The following MTCL2 variants were observed in gnomAD, a reference collection of about 807,000 sequenced individuals.
MTCL2 encodes the protein microtubule cross-linking factor 2.
chr20:36,843,453 T>G, the MTCL2 span, among the ~76,000 whole-genome samples: 1 of 104,630 alleles, frequency 9.6e-6, no homozygotes, highest in Non-Finnish European at 1.9e-5. Flanking sequence ...TCCACCCTCA[T>G]AGACTCACCA....
At chr20:36,828,991 T>TG in the MTCL2 span, 17 of 1,459,184 alleles carry the variant, frequency 1.2e-5, no homozygotes, top group South Asian at 2.8e-5. Context: ...GACACTGGCT[T>TG]GGGGGGGCTT....
the MTCL2 span, chr20:36,812,714 T>C: frequency 1.9e-6 from 3 of 1,613,978 alleles, no homozygotes; most frequent in East Asian, 2.2e-5. Flanking sequence ...CTCAGAGGCA[T>C]AGGAATCATT....
At chr20:36,808,537 G>A in the MTCL2 span, 1 of 1,603,600 alleles carries the variant, frequency 6.2e-7, no homozygotes, top group Non-Finnish European at 8.5e-7. Flanking sequence ...CCCCTTCGCT[G>A]GGCAAAACCT....
At chr20:36,804,363 G>A in the MTCL2 span, among the ~76,000 whole-genome samples, 1 of 152,214 alleles carries the variant, frequency 6.6e-6, no homozygotes, top group South Asian at 2.1e-4. Flanking sequence ...CTGGGGAGTT[G>A]GGAGGGGAGG....
chr20:36,839,111 T>C, the MTCL2 span: 1 of 1,010,126 alleles, frequency 9.9e-7, no homozygotes, highest in Non-Finnish European at 1.5e-6. The surrounding 1 kb of genome is among the most constrained non-coding windows in gnomAD (Gnocchi z 5.1). Context: ...AGAGAGGTGG[T>C]AGAACTTGGC....
the MTCL2 span, among the ~76,000 whole-genome samples, chr20:36,820,473 A>T: frequency 3.3e-5 from 5 of 152,212 alleles, no homozygotes; most frequent in Non-Finnish European, 7.3e-5. Flanking sequence ...TAACCCAAAT[A>T]TGTCCACCAA....
At chr20:36,797,933 C>T in the MTCL2 span, among the ~76,000 whole-genome samples, 1 of 152,226 alleles carries the variant, frequency 6.6e-6, no homozygotes, top group African/African-American at 2.4e-5. Context: ...ACTGCTCCAT[C>T]CACAGTGGCC....
chr20:36,842,096 C>A, the MTCL2 span, among the ~76,000 whole-genome samples: 49 of 152,256 alleles, frequency 3.2e-4, 1 homozygote, highest in East Asian at 8.7e-3. Context: ...GCTTCTGCTA[C>A]CGCTGTCATC....
chr20:36,833,551 C>T, the MTCL2 span, among the ~76,000 whole-genome samples: 28 of 152,350 alleles, frequency 1.8e-4, no homozygotes, highest in Non-Finnish European at 2.8e-4. Context: ...GGAGCTCTCA[C>T]GAAAGAGCAG....
the MTCL2 span, among the ~76,000 whole-genome samples, chr20:36,802,656 G>A: frequency 2.0e-5 from 3 of 152,196 alleles, no homozygotes; most frequent in Admixed American, 2.0e-4. Context: ...GGCCTGACAG[G>A]CTGAAGCAGA....
At chr20:36,804,799 T>C in the MTCL2 span, 73 of 1,613,858 alleles carry the variant, frequency 4.5e-5, no homozygotes, top group Non-Finnish European at 5.8e-5. Context: ...CTTGGCAAAC[T>C]GTTGCTGAAG....
chr20:36,841,871 T>TGGGGGGG, the MTCL2 span, among the ~76,000 whole-genome samples: 1 of 105,686 alleles, frequency 9.5e-6, no homozygotes, highest in African/African-American at 3.6e-5. Flanking sequence ...GGGTGGGGGG[T>TGGGGGGG]GGGGTGTGTG....
At chr20:36,806,043 G>A in the MTCL2 span, 1 of 1,131,834 alleles carries the variant, frequency 8.8e-7, no homozygotes, top group Non-Finnish European at 1.3e-6. Context: ...AGGTCGAGGA[G>A]CACGGCTGGA....
chr20:36,837,604 G>A, the MTCL2 span, among the ~76,000 whole-genome samples: 5 of 150,358 alleles, frequency 3.3e-5, no homozygotes, highest in South Asian at 2.1e-4. Context: ...TTGAGACGGA[G>A]TCTCACTCTG....
the MTCL2 span, chr20:36,829,097 A>T: frequency 1.3e-6 from 2 of 1,562,256 alleles, no homozygotes; most frequent in African/African-American, 2.7e-5. Context: ...CTGCTTAGCC[A>T]GCTCAGTCTC....
At chr20:36,793,151 C>G in the MTCL2 span, 1 of 1,371,002 alleles carries the variant, frequency 7.3e-7, no homozygotes, top group Non-Finnish European at 9.7e-7. The surrounding 1 kb of genome is among the most constrained non-coding windows in gnomAD (Gnocchi z 6.8). Flanking sequence ...GCGATCCACC[C>G]ACCTCGGCCC....
chr20:36,810,748 CTCTCTT>C, the MTCL2 span, among the ~76,000 whole-genome samples: 1 of 150,016 alleles, frequency 6.7e-6, no homozygotes, highest in Non-Finnish European at 1.5e-5. Context: ...CTCTCTCTCT[CTCTCTT>C]TCAACGGAGT....
At chr20:36,812,667 C>G in the MTCL2 span, 1 of 1,607,802 alleles carries the variant, frequency 6.2e-7, no homozygotes, top group Non-Finnish European at 8.5e-7. Context: ...TCACTCTCCT[C>G]CTACCCAATC....
At chr20:36,822,353 C>T in the MTCL2 span, among the ~76,000 whole-genome samples, 1 of 152,246 alleles carries the variant, frequency 6.6e-6, no homozygotes, top group Admixed American at 6.5e-5. Flanking sequence ...AATGCAGCCG[C>T]AAGGCCTGGG....
Sources: gnomAD v4.1 joint callset for allele counts (sites outside exome capture counted in the v4.1 genomes callset) on GRCh38, gnomAD v4.1.1 for gene constraint, Gnocchi (gnomAD v3.1) non-coding constraint, MANE v1.5 for transcripts, NCBI Gene and HGNC (gene_info 2026-07-23, HGNC 2026-07-21) for gene names.